NRG1: variants seen among roughly 807,000 people sequenced by gnomAD.
NRG1 encodes neuregulin 1.
A neutral mutation model predicts 63.8 loss-of-function variants in NRG1; 18 were observed. The observed-to-expected ratio is 0.28, with a 90% CI of 0.19 to 0.42. The LOEUF (loss-of-function observed/expected upper bound fraction) is 0.42. Among genes scored for constraint, NRG1 ranks in the 10% least tolerant of loss-of-function variants. The pLI, the probability that NRG1 is intolerant of heterozygous loss-of-function variation, is 1.00. For synonymous variants in NRG1, 302 were observed against 301.3 expected, an observed-to-expected ratio of 1.00 and a Z score of -0.02; for missense variants, 762 against 814.7, an observed-to-expected ratio of 0.94 and a Z score of 0.79.
chr8:32,545,448 T>C (rs893943189), upstream of NRG1, among the ~76,000 whole-genome samples: 49 of 151,702 alleles, frequency 3.2e-4, no homozygotes, highest in Non-Finnish European at 5.3e-4. Context: ...CATTAAGATA[T>C]GTCATCATTT....
At chr8:31,793,382 A>G (rs574842446) in intron 1 of NRG1, among the ~76,000 whole-genome samples, 27 of 152,358 alleles carry the variant, frequency 1.8e-4, no homozygotes, top group Non-Finnish European at 2.8e-4. Flanking sequence ...TCAATGAAAC[A>G]GAAAACCTGC....
chr8:31,735,634 CT>C (rs1407842879), intron 1 of NRG1, among the ~76,000 whole-genome samples: 21 of 152,148 alleles, frequency 1.4e-4, no homozygotes, highest in Non-Finnish European at 3.1e-4. Context: ...TTGTTTAGTT[CT>C]TTGTGGTATA....
intron 1 of NRG1, among the ~76,000 whole-genome samples, chr8:32,316,160 A>G (rs1857361758): frequency 6.6e-6 from 1 of 151,872 alleles, no homozygotes. Flanking sequence ...AAACTCCATG[A>G]AGGAATCTAC....
chr8:31,778,901 A>G (rs964458945), intron 1 of NRG1, among the ~76,000 whole-genome samples: 1 of 152,328 alleles, frequency 6.6e-6, no homozygotes, highest in East Asian at 1.9e-4. Flanking sequence ...TTGCAGATTT[A>G]TGGGTTGGAA....
rs534228186 is a variant in NRG1, at chr8:32,382,180, G to A, written c.38-213648G>A. ...ATTTCTAATCTTATGCATGACAATT[G>A]AGATTTAAAGAGTATAACTTTCCAA... is the stretch of plus-strand genomic sequence containing the variant. On this transcript the variant is annotated intron_variant, in intron 1 of 10. Coordinates refer to the NRG1 transcript ENST00000519301. Among the ~76,000 whole-genome samples the A allele has an allele frequency of 9.5e-4, 145 of 152,220 alleles. 1 individual carries two copies. The highest frequency in any genetic ancestry group is 3.4e-3 in the African/African-American group (141 of 41,544).
chr8:31,916,701 A>G (rs1197999481), intron 1 of NRG1, among the ~76,000 whole-genome samples: 3 of 152,076 alleles, frequency 2.0e-5, no homozygotes, highest in Non-Finnish European at 4.4e-5. Flanking sequence ...ATGATTTATA[A>G]TCCTTTGGGT....
intron 1 of NRG1, among the ~76,000 whole-genome samples, chr8:32,508,634 T>C (rs1346167782): frequency 6.6e-6 from 1 of 152,044 alleles, no homozygotes; most frequent in Non-Finnish European, 1.5e-5. Flanking sequence ...AAAAACAAAG[T>C]TTTAACAGTT....
chr8:32,612,928 C>A (rs972686734), intron 3 of NRG1, among the ~76,000 whole-genome samples: 3 of 151,988 alleles, frequency 2.0e-5, no homozygotes, highest in African/African-American at 7.2e-5. Flanking sequence ...GAAGGACACA[C>A]ACTTTGTATC....
chr8:32,439,725 C>G (rs113413577), intron 1 of NRG1, among the ~76,000 whole-genome samples: 5 of 151,474 alleles, frequency 3.3e-5, no homozygotes, highest in African/African-American at 1.2e-4. Flanking sequence ...ATTGAATCTA[C>G]CCTAGAGCAA....
chr8:32,549,182 GCGCGCGT>G lies in NRG1; in HGVS notation c.100+357_100+363del, dbSNP rs1376948809. 7.9e-5 allele frequency among the ~76,000 whole-genome samples: 12 copies of G among 152,372 alleles called. No homozygotes were observed. The East Asian group carries it at 2.1e-3, about 27-fold the overall frequency. ...TGGGCTATAGGAGTCGAGGCTGCGT[GCGCGCGT>G]GCCCCGCGCCATAAGCGCTTTGCAC... is the stretch of plus-strand genomic sequence containing the variant. On this transcript the variant is annotated intron_variant, in intron 1 of 11. Transcript: ENST00000356819.
intron 1 of NRG1, among the ~76,000 whole-genome samples, chr8:32,412,347 C>A (rs1815083799): frequency 1.3e-5 from 2 of 149,918 alleles, no homozygotes; most frequent in African/African-American, 4.9e-5. Flanking sequence ...TATGACTTTC[C>A]AGTCATTCCA....
intron 1 of NRG1, among the ~76,000 whole-genome samples, chr8:32,558,202 G>A (rs774748529): frequency 2.6e-5 from 4 of 152,128 alleles, no homozygotes; most frequent in Non-Finnish European, 4.4e-5. Flanking sequence ...ACACAAGGCC[G>A]CCTTGACTGA....
At chr8:32,316,945 G>C (rs1300514740) in intron 1 of NRG1, among the ~76,000 whole-genome samples, 2 of 152,222 alleles carry the variant, frequency 1.3e-5, no homozygotes, top group Non-Finnish European at 2.9e-5. Flanking sequence ...GAATATTCCT[G>C]AGGAAGTATT....
chr8:32,517,665 AT>A (rs1308894008), intron 1 of NRG1, among the ~76,000 whole-genome samples: 2 of 152,194 alleles, frequency 1.3e-5, no homozygotes, highest in Non-Finnish European at 2.9e-5. Context: ...CTTGAGATAT[AT>A]TTGGGGAAGT....
intron 1 of NRG1, among the ~76,000 whole-genome samples, chr8:32,160,598 G>T (rs1210964827): frequency 6.6e-6 from 1 of 152,312 alleles, no homozygotes; most frequent in East Asian, 1.9e-4. Context: ...GTGTGCACAC[G>T]CATGTGTGTG....
chr8:31,854,309 A>G (rs1467150209), intron 1 of NRG1, among the ~76,000 whole-genome samples: 1 of 152,218 alleles, frequency 6.6e-6, no homozygotes, highest in Non-Finnish European at 1.5e-5. Context: ...TGGTCTACTC[A>G]GAGATTCAAC....
intron 1 of NRG1, among the ~76,000 whole-genome samples, chr8:32,281,956 T>C (rs1387644109): frequency 6.6e-6 from 1 of 152,162 alleles, no homozygotes; most frequent in East Asian, 1.9e-4. Context: ...TAAAAGAATG[T>C]ATATGAGAAT....
chr8:32,563,855 C>T (rs1039013207), intron 1 of NRG1, among the ~76,000 whole-genome samples: 1 of 152,082 alleles, frequency 6.6e-6, no homozygotes, highest in African/African-American at 2.4e-5. Context: ...AGAATCGTAA[C>T]ATTAAGTTGA....
intron 1 of NRG1, among the ~76,000 whole-genome samples, chr8:31,868,114 C>T (rs1354264077): frequency 6.7e-6 from 1 of 148,478 alleles, no homozygotes; most frequent in Admixed American, 6.9e-5. Flanking sequence ...TTATACTCTA[C>T]CATCCCAAAC....
Sources: allele counts gnomAD v4.1 joint callset (sites outside exome capture counted in the v4.1 genomes callset), GRCh38; gene constraint gnomAD v4.1.1; transcripts MANE v1.5; gene names NCBI Gene and HGNC (gene_info 2026-07-23, HGNC 2026-07-21).